Variants in DPYD observed in about 807,000 individuals in gnomAD.
DPYD encodes dihydropyrimidine dehydrogenase [NADP(+)].
In DPYD, 109 loss-of-function variants were observed where a neutral mutation model predicts 116.2. The observed-to-expected ratio is 0.94, with a 90% CI of 0.80 to 1.10. The LOEUF is 1.10. Among genes scored for constraint, DPYD ranks in the 50% least tolerant of loss-of-function variants. The pLI, the probability that DPYD is intolerant of heterozygous loss-of-function variation, is 0.00. For missense variants in DPYD, 1,302 were observed against 1,254.5 expected (o/e 1.04, Z -0.57); for synonymous variants, 440 against 432.0 (o/e 1.02, Z -0.23).
chr1:97,385,691 G>A (rs1161512339), intron 14 of DPYD, among the ~76,000 whole-genome samples: 2 of 151,936 alleles, frequency 1.3e-5, no homozygotes, highest in Non-Finnish European at 2.9e-5. Flanking sequence ...CCCCTCTCAG[G>A]GTTCCACAGA....
intron 16 of DPYD, among the ~76,000 whole-genome samples, chr1:97,333,516 G>GGTTTTTTTTT (rs1669129675): frequency 9.4e-6 from 1 of 106,790 alleles, no homozygotes. Flanking sequence ...TAAGTCTTAG[G>GGTTTTTTTTT]ATTTTTTTTT....
intron 3 of DPYD, among the ~76,000 whole-genome samples, chr1:97,783,301 C>T (rs545938317): frequency 7.9e-5 from 12 of 152,108 alleles, no homozygotes; most frequent in Non-Finnish European, 1.5e-4. Context: ...TGTGCTTTAT[C>T]GGGTTTGGCA....
chr1:97,850,223 G>A (rs1280707343), intron 2 of DPYD, among the ~76,000 whole-genome samples: 1 of 152,080 alleles, frequency 6.6e-6, no homozygotes. Flanking sequence ...AGCTAACACC[G>A]CAGGCAATTG....
chr1:97,142,025 G>C (rs1388843286), intron 20 of DPYD, among the ~76,000 whole-genome samples: 1 of 152,112 alleles, frequency 6.6e-6, no homozygotes, highest in Non-Finnish European at 1.5e-5. Flanking sequence ...TCCTTTGATT[G>C]ACTCTTTGTT....
At chr1:97,451,608 C>T (rs1025222073) in intron 13 of DPYD, among the ~76,000 whole-genome samples, 3 of 152,156 alleles carry the variant, frequency 2.0e-5, no homozygotes, top group South Asian at 4.2e-4. Flanking sequence ...GTTTCACAAT[C>T]CTAATGGGTA....
intron 1 of DPYD, among the ~76,000 whole-genome samples, chr1:97,909,645 A>C (rs1234085673): frequency 6.6e-6 from 1 of 152,068 alleles, no homozygotes; most frequent in Non-Finnish European, 1.5e-5. Context: ...CAGACAAGAA[A>C]GTTGACTATA....
intron 2 of DPYD, among the ~76,000 whole-genome samples, chr1:97,862,085 A>C (rs1671145732): frequency 6.6e-6 from 1 of 151,938 alleles, no homozygotes; most frequent in Non-Finnish European, 1.5e-5. Flanking sequence ...TCTCAGTTTA[A>C]ACATAGTTAA....
intron 13 of DPYD, among the ~76,000 whole-genome samples, chr1:97,463,692 C>T (rs1456245450): frequency 6.6e-6 from 1 of 152,128 alleles, no homozygotes; most frequent in East Asian, 1.9e-4. Flanking sequence ...CAATGAAATT[C>T]AGGCTGAGAT....
chr1:97,821,881 C>G (rs1051339646), intron 3 of DPYD, among the ~76,000 whole-genome samples: 33 of 151,892 alleles, frequency 2.2e-4, no homozygotes, highest in Non-Finnish European at 2.9e-5. Context: ...CCTCTATATC[C>G]TAGTTCCTCA....
At chr1:97,504,581 T>C (rs1416641177) in intron 13 of DPYD, among the ~76,000 whole-genome samples, 1 of 151,894 alleles carries the variant, frequency 6.6e-6, no homozygotes, top group Non-Finnish European at 1.5e-5. Context: ...AGTTCCCAAG[T>C]GATGGGAAGT....
chr1:97,744,128 G>A (rs1479034703), intron 3 of DPYD, among the ~76,000 whole-genome samples: 3 of 151,910 alleles, frequency 2.0e-5, no homozygotes, highest in African/African-American at 7.2e-5. Context: ...AAAAATGTAT[G>A]AAAACTTAAG....
chr1:97,197,160 C>A (rs1350881969), intron 19 of DPYD, among the ~76,000 whole-genome samples: 6 of 152,118 alleles, frequency 3.9e-5, no homozygotes, highest in Non-Finnish European at 8.8e-5. Flanking sequence ...TTAAAAAAAT[C>A]TGTTTCTCAG....
chr1:97,251,391 T>TAAAAAAA (rs10581072), intron 18 of DPYD, among the ~76,000 whole-genome samples: 1 of 95,360 alleles, frequency 1.0e-5, no homozygotes, highest in Admixed American at 1.3e-4. Flanking sequence ...AAACTCTGTC[T>TAAAAAAA]AAAAAAAAAA....
intron 14 of DPYD, among the ~76,000 whole-genome samples, chr1:97,441,253 G>A (rs549784129): frequency 6.6e-6 from 1 of 151,926 alleles, no homozygotes; most frequent in South Asian, 2.1e-4. Context: ...GTAGTTTTAG[G>A]CAAAACTGGA....
At chr1:97,850,278 C>T (rs1402340644) in intron 2 of DPYD, among the ~76,000 whole-genome samples, 1 of 152,134 alleles carries the variant, frequency 6.6e-6, no homozygotes, top group East Asian at 1.9e-4. Flanking sequence ...ATGATTACAG[C>T]TGGTATAGAA....
At chr1:97,779,229 A>G (rs1356992348) in intron 3 of DPYD, among the ~76,000 whole-genome samples, 1 of 152,056 alleles carries the variant, frequency 6.6e-6, no homozygotes, top group Non-Finnish European at 1.5e-5. Flanking sequence ...AAAATTTAGA[A>G]TCTATTTTTC....
At chr1:97,772,353 T>C (rs1441862923) in intron 3 of DPYD, among the ~76,000 whole-genome samples, 1 of 152,168 alleles carries the variant, frequency 6.6e-6, no homozygotes, top group Non-Finnish European at 1.5e-5. Context: ...TTTCTTTTAT[T>C]AAAGGAAAAG....
intron 20 of DPYD, among the ~76,000 whole-genome samples, chr1:97,170,787 TGCCTCA>T (rs1237954573): frequency 6.6e-6 from 1 of 152,042 alleles, no homozygotes; most frequent in African/African-American, 2.4e-5. Flanking sequence ...GCTATTCTCC[TGCCTCA>T]GCCTCCTGAG....
At chr1:97,687,535 T>C (rs1410095708) in intron 7 of DPYD, among the ~76,000 whole-genome samples, 2 of 152,124 alleles carry the variant, frequency 1.3e-5, no homozygotes, top group Non-Finnish European at 2.9e-5. Context: ...TAGTGGAATA[T>C]AAATTAGTTC....
Sources: gnomAD v4.1 joint callset for allele counts (sites outside exome capture counted in the v4.1 genomes callset) on GRCh38, gnomAD v4.1.1 for gene constraint, MANE v1.5 for transcripts, NCBI Gene and HGNC (gene_info 2026-07-23, HGNC 2026-07-21) for gene names.